ZFPM2: variants seen among roughly 807,000 people sequenced by gnomAD.
ZFPM2 encodes the protein zinc finger protein ZFPM2.
Under a neutral mutation model 98.6 loss-of-function variants are expected in ZFPM2, and 20 were observed. The ratio of observed to expected loss-of-function variants is 0.20; its 90% CI spans 0.14 to 0.29. The LOEUF (loss-of-function observed/expected upper bound fraction) is 0.29, where lower values mean the gene tolerates loss of function less well. ZFPM2 is among the 10% of genes least tolerant of loss of function. The pLI, the probability that ZFPM2 is intolerant of heterozygous loss-of-function variation, is 1.00. For missense variants in ZFPM2, 1,310 were observed against 1,388.6 expected, an observed-to-expected ratio of 0.94 and a Z score of 0.90; for synonymous variants, 518 against 502.7, an observed-to-expected ratio of 1.03 and a Z score of -0.41.
chr8:105,602,985 C>G (rs946497631), intron 4 of ZFPM2, among the ~76,000 whole-genome samples: 1 of 152,008 alleles, frequency 6.6e-6, no homozygotes, highest in African/African-American at 2.4e-5. Context: ...TTTATTTTAA[C>G]CTATGTAACA....
At chr8:105,754,946 ATGTG>A (rs34267329) in intron 5 of ZFPM2, among the ~76,000 whole-genome samples, 10,210 of 146,458 alleles carry the variant, frequency 0.07, 607 homozygotes, top group African/African-American at 0.16. Context: ...GAAATTTAAT[ATGTG>A]TGTGTGTGTG....
chr8:105,333,794 G>GA (rs35689024), intron 1 of ZFPM2, among the ~76,000 whole-genome samples: 16,583 of 150,546 alleles, frequency 0.11, 1,174 homozygotes, highest in Non-Finnish European at 0.15. Flanking sequence ...CTCGTAAAAT[G>GA]AAAAAAAATC....
intron 3 of ZFPM2, among the ~76,000 whole-genome samples, chr8:105,448,273 T>C (rs1812415503): frequency 6.6e-6 from 1 of 152,050 alleles, no homozygotes; most frequent in South Asian, 2.1e-4. Flanking sequence ...TCTTCACTAT[T>C]CTGGTTTTTC....
intron 5 of ZFPM2, among the ~76,000 whole-genome samples, chr8:105,704,968 C>G (rs1402838980): frequency 8.5e-5 from 13 of 152,118 alleles, no homozygotes; most frequent in Non-Finnish European, 1.8e-4. Context: ...CTTAGGCAAC[C>G]TGGTCAAATG....
intron 3 of ZFPM2, among the ~76,000 whole-genome samples, chr8:105,517,396 C>T (rs534502060): frequency 9.9e-5 from 15 of 152,060 alleles, no homozygotes; most frequent in African/African-American, 1.7e-4. Context: ...TTAGCTTTAT[C>T]GAGATATAAT....
At chr8:105,401,339 T>C (rs1811336606) in intron 1 of ZFPM2, among the ~76,000 whole-genome samples, 1 of 152,172 alleles carries the variant, frequency 6.6e-6, no homozygotes, top group South Asian at 2.1e-4. Context: ...GTGCTTAATG[T>C]ATTTTCAAGT....
chr8:105,419,237 G>T lies in ZFPM2; in HGVS notation c.134G>T (p.Ser45Ile), dbSNP rs767896734. 6.8e-6 allele frequency: 11 copies of T among 1,613,566 alleles called. No homozygotes were observed. In the African/African-American group the frequency reaches 1.2e-4, roughly 18 times the overall value. Residue 45 changes from serine (S) to isoleucine (I), a missense_variant, in exon 2 of 8, where the codon AGC (serine) becomes ATC (isoleucine). By Grantham distance (142) the Ser-to-Ile change is moderately radical. Transcript: ENST00000407775. The part of the protein sequence containing the change: ...ISKGDFPLEE[S>I]FSTEFGPENL... ...AAAGGAGACTTTCCATTGGAGGAAAGCTTTTCCACAGAATTTGGGCCTGAA... is the reference window on the plus strand; with the variant it reads ...AAAGGAGACTTTCCATTGGAGGAAATCTTTTCCACAGAATTTGGGCCTGAA...
intron 3 of ZFPM2, among the ~76,000 whole-genome samples, chr8:105,494,339 C>T (rs182674201): frequency 1.2e-4 from 18 of 151,260 alleles, no homozygotes; most frequent in South Asian, 4.2e-4. Context: ...CCATTCCGCA[C>T]GCTTAAGACC....
chr8:105,391,023 C>T (rs1182056884), intron 1 of ZFPM2, among the ~76,000 whole-genome samples: 2 of 152,162 alleles, frequency 1.3e-5, no homozygotes, highest in African/African-American at 4.8e-5. Context: ...GTCAAGACTC[C>T]ATAGCATAAA....
intron 5 of ZFPM2, chr8:105,662,901 G>A (rs143847984): frequency 1.3e-5 from 2 of 152,214 alleles, no homozygotes; most frequent in African/African-American, 4.8e-5. Flanking sequence ...AGAGAAGAGT[G>A]TGCATGATAA....
At chr8:105,736,343 C>G (rs1248160512) in intron 5 of ZFPM2, among the ~76,000 whole-genome samples, 2 of 151,984 alleles carry the variant, frequency 1.3e-5, no homozygotes, top group Non-Finnish European at 2.9e-5. Flanking sequence ...TAATATTCAT[C>G]TTAGTATAAA....
At chr8:105,559,349 C>T (rs1213617954) in intron 3 of ZFPM2, among the ~76,000 whole-genome samples, 10 of 152,066 alleles carry the variant, frequency 6.6e-5, no homozygotes, top group Admixed American at 5.2e-4. Flanking sequence ...TCTTTCTGGG[C>T]TCATTTTCCT....
chr8:105,407,574 A>G (rs548048254), intron 1 of ZFPM2, among the ~76,000 whole-genome samples: 8 of 152,010 alleles, frequency 5.3e-5, no homozygotes, highest in Admixed American at 1.3e-4. Flanking sequence ...CTTGTTGCCA[A>G]TGCACTGAAG....
chr8:105,719,777 T>TG (rs1428650357), intron 5 of ZFPM2, among the ~76,000 whole-genome samples: 1 of 151,910 alleles, frequency 6.6e-6, no homozygotes, highest in Non-Finnish European at 1.5e-5. Flanking sequence ...CGACTGCCTA[T>TG]GTAAGATCAA....
At chr8:105,464,949 T>TAAAAA (rs77152118) in intron 3 of ZFPM2, among the ~76,000 whole-genome samples, 14 of 125,638 alleles carry the variant, frequency 1.1e-4, no homozygotes, top group African/African-American at 3.8e-4. Flanking sequence ...TTGAAAATGC[T>TAAAAA]AAAAAAAAAA....
chr8:105,710,049 T>C (rs1183972565), intron 5 of ZFPM2, among the ~76,000 whole-genome samples: 3 of 152,052 alleles, frequency 2.0e-5, no homozygotes, highest in East Asian at 3.9e-4. Context: ...CATAGTTTCA[T>C]CATAAGACTC....
chr8:105,543,143 C>T (rs1437187650), intron 3 of ZFPM2, among the ~76,000 whole-genome samples: 2 of 152,110 alleles, frequency 1.3e-5, no homozygotes, highest in African/African-American at 4.8e-5. Context: ...ATTAAAATCT[C>T]CTGGATTAAA....
intron 3 of ZFPM2, among the ~76,000 whole-genome samples, chr8:105,489,903 C>T (rs1190572561): frequency 2.0e-5 from 3 of 152,096 alleles, no homozygotes; most frequent in Non-Finnish European, 4.4e-5. Context: ...GGACTCACAA[C>T]TAATTACCTC....
At chr8:105,412,343 C>T (rs751036997) in intron 1 of ZFPM2, among the ~76,000 whole-genome samples, 4 of 151,474 alleles carry the variant, frequency 2.6e-5, no homozygotes, top group East Asian at 3.9e-4. Flanking sequence ...ATAAACTTAA[C>T]GAAATTCAGG....
Sources: allele counts gnomAD v4.1 joint callset (sites outside exome capture counted in the v4.1 genomes callset), GRCh38; gene constraint gnomAD v4.1.1; transcripts MANE v1.5; gene names NCBI Gene and HGNC (gene_info 2026-07-23, HGNC 2026-07-21).